CTNNA3: variants seen among roughly 807,000 people sequenced by gnomAD.
CTNNA3 encodes catenin alpha 3.
A neutral mutation model predicts 95.7 loss-of-function variants in CTNNA3; 76 were observed. The observed-to-expected ratio is 0.79, with a 90% confidence interval of 0.66 to 0.96. The LOEUF (loss-of-function observed/expected upper bound fraction) is 0.96, where lower values mean the gene tolerates loss of function less well. Among genes scored for constraint, CTNNA3 ranks in the 40% least tolerant of loss-of-function variants. The pLI is 0.00. For missense variants in CTNNA3, 1,191 were observed against 1,089.8 expected (o/e 1.09, Z -1.31); for synonymous variants, 431 against 374.4 (o/e 1.15, Z -1.74).
At chr10:67,183,095 T>C (rs1442093558) in intron 6 of CTNNA3, among the ~76,000 whole-genome samples, 11 of 152,214 alleles carry the variant, frequency 7.2e-5, no homozygotes, top group African/African-American at 2.4e-4. Flanking sequence ...TTGGTGGAAC[T>C]GTAAACTAGT....
Position 66,976,888 on chromosome 10 carries a change from C to A in CTNNA3, c.1048-201364G>T, listed in dbSNP as rs1232410685. 2.0e-5 allele frequency among the ~76,000 whole-genome samples: 3 copies of A among 152,132 alleles called. No individual in the cohort carries two copies. The East Asian group carries it at 5.8e-4, about 29-fold the overall frequency. On this transcript the variant is annotated intron_variant, in intron 7 of 17. Transcript: ENST00000433211. ...TGTTTTTGTCTAAAGACAGTGATTG[C>A]TTTCCAAATAACTACTTTGATGTGC...
chr10:66,446,691 A>G (rs1020590259), intron 11 of CTNNA3, among the ~76,000 whole-genome samples: 1 of 152,186 alleles, frequency 6.6e-6, no homozygotes, highest in Non-Finnish European at 1.5e-5. Context: ...AATAAGAGCT[A>G]TCTATGACAA....
At chr10:66,729,427 G>C (rs1234112235) in intron 9 of CTNNA3, among the ~76,000 whole-genome samples, 2 of 152,238 alleles carry the variant, frequency 1.3e-5, no homozygotes, top group Non-Finnish European at 2.9e-5. Flanking sequence ...AATGCCATTT[G>C]ACCCAGCAAT....
chr10:67,481,563 T>C (rs757362990), intron 5 of CTNNA3, among the ~76,000 whole-genome samples: 5 of 151,862 alleles, frequency 3.3e-5, no homozygotes, highest in Non-Finnish European at 5.9e-5. Flanking sequence ...GCAAAAAACA[T>C]AGGTATACAT....
chr10:67,553,705 C>A (rs558835611), intron 3 of CTNNA3, among the ~76,000 whole-genome samples: 2 of 151,534 alleles, frequency 1.3e-5, no homozygotes, highest in African/African-American at 4.8e-5. Context: ...TTCAAGAATA[C>A]AATAGAAATG....
At chr10:67,393,587 T>C (rs1301348170) in intron 5 of CTNNA3, among the ~76,000 whole-genome samples, 1 of 152,118 alleles carries the variant, frequency 6.6e-6, no homozygotes, top group Non-Finnish European at 1.5e-5. Flanking sequence ...TAGCAAACTT[T>C]TGCCGCTCAT....
At chr10:65,988,025 A>AGGGAAGAGTAGCGGAGAG (rs2078463418) in intron 16 of CTNNA3, among the ~76,000 whole-genome samples, 1 of 152,126 alleles carries the variant, frequency 6.6e-6, no homozygotes, top group Admixed American at 6.6e-5. Context: ...TATCAGGGGC[A>AGGGAAGAGTAGCGGAGAG]GGGAAGAGTA....
At chr10:67,503,527 T>G (rs1839299366) in intron 5 of CTNNA3, among the ~76,000 whole-genome samples, 1 of 152,238 alleles carries the variant, frequency 6.6e-6, no homozygotes, top group Non-Finnish European at 1.5e-5. Flanking sequence ...GCCAGATATC[T>G]TAAAAATAAT....
At chr10:67,623,006 T>C (rs1843898671) in intron 2 of CTNNA3, among the ~76,000 whole-genome samples, 1 of 152,214 alleles carries the variant, frequency 6.6e-6, no homozygotes, top group African/African-American at 2.4e-5. Flanking sequence ...AATATTTGCT[T>C]ACAACGTGCC....
chr10:66,739,680 T>G (rs1200597133), intron 9 of CTNNA3, among the ~76,000 whole-genome samples: 1 of 152,204 alleles, frequency 6.6e-6, no homozygotes, highest in Admixed American at 6.5e-5. Context: ...TAAAGGTACA[T>G]TGTTAAGACT....
intron 7 of CTNNA3, among the ~76,000 whole-genome samples, chr10:66,915,822 C>T (rs1043246315): frequency 5.3e-5 from 8 of 150,488 alleles, no homozygotes; most frequent in Non-Finnish European, 1.0e-4. Flanking sequence ...AATCTTAGCT[C>T]ACTGCAACCT....
intron 11 of CTNNA3, among the ~76,000 whole-genome samples, chr10:66,451,024 C>G (rs546679435): frequency 2.0e-5 from 3 of 152,058 alleles, no homozygotes; most frequent in African/African-American, 7.2e-5. Context: ...TAGTAGATAT[C>G]ATCTATAGCT....
chr10:66,581,889 C>A (rs1442863941), intron 10 of CTNNA3, among the ~76,000 whole-genome samples: 2 of 151,724 alleles, frequency 1.3e-5, no homozygotes, highest in African/African-American at 2.4e-5. Flanking sequence ...ATTTTTCTAG[C>A]ACCCTTTATT....
At chr10:66,431,060 A>T (rs12252200) in intron 11 of CTNNA3, among the ~76,000 whole-genome samples, 17,837 of 152,008 alleles carry the variant, frequency 0.12, 1,533 homozygotes, top group African/African-American at 0.24. Context: ...CAAGAAAAAA[A>T]AAAACCCATC....
intron 5 of CTNNA3, among the ~76,000 whole-genome samples, chr10:67,293,744 C>A (rs1253172941): frequency 6.7e-6 from 1 of 148,544 alleles, no homozygotes; most frequent in Non-Finnish European, 1.5e-5. Flanking sequence ...TCAATTCCCA[C>A]CTATGAGTGA....
intron 14 of CTNNA3, among the ~76,000 whole-genome samples, chr10:66,086,636 T>A (rs10996885): frequency 0.24 from 36,459 of 152,068 alleles, 4,463 homozygotes; most frequent in Admixed American, 0.26. Context: ...ACTATCACTA[T>A]TCTTTTCTTA....
At chr10:67,088,767 GTC>G (rs1259321554) in intron 7 of CTNNA3, among the ~76,000 whole-genome samples, 1 of 151,786 alleles carries the variant, frequency 6.6e-6, no homozygotes, top group African/African-American at 2.4e-5. Flanking sequence ...AAAATATTTT[GTC>G]TCTCATTATT....
At chr10:66,176,656 C>T (rs552970524) in intron 13 of CTNNA3, among the ~76,000 whole-genome samples, 2 of 152,066 alleles carry the variant, frequency 1.3e-5, no homozygotes, top group East Asian at 3.9e-4. Flanking sequence ...GGGATTAGTG[C>T]CCTTATAAAA....
At chr10:66,951,564 A>G (rs766646307) in intron 7 of CTNNA3, among the ~76,000 whole-genome samples, 8 of 152,184 alleles carry the variant, frequency 5.3e-5, no homozygotes, top group Non-Finnish European at 1.0e-4. Flanking sequence ...ATTTTAAGTA[A>G]TATATTGAAG....
Sources: allele counts gnomAD v4.1 joint callset (sites outside exome capture counted in the v4.1 genomes callset), GRCh38; gene constraint gnomAD v4.1.1; transcripts MANE v1.5; gene names NCBI Gene and HGNC (gene_info 2026-07-23, HGNC 2026-07-21).